Variants in YAF2 observed in about 807,000 individuals in gnomAD.
YAF2 encodes the protein YY1-associated factor 2.
YAF2 carries 7 observed loss-of-function variants against 20.1 expected under a neutral mutation model. That is an observed-to-expected ratio of 0.35 (90% CI 0.20 to 0.65). YAF2 has a LOEUF of 0.65. YAF2 is among the 30% of genes least tolerant of loss of function. The probability of loss-of-function intolerance (pLI) is 0.69; values close to 1 mark genes in which losing one functional copy is unlikely to be tolerated. For missense variants in YAF2, 151 were observed against 219.2 expected (o/e 0.69, Z 1.96); for synonymous variants, 74 against 76.0 (o/e 0.97, Z 0.14).
chr12:42,164,085 G>A (rs1282472160), intron 2 of YAF2, among the ~76,000 whole-genome samples: 1 of 152,210 alleles, frequency 6.6e-6, no homozygotes, highest in East Asian at 1.9e-4. Context: ...GTGATAAGGA[G>A]TTGATGTGCA....
At chr12:42,192,206 T>C (rs2066631253) in intron 2 of YAF2, among the ~76,000 whole-genome samples, 1 of 151,902 alleles carries the variant, frequency 6.6e-6, no homozygotes, top group East Asian at 2.0e-4. Flanking sequence ...TTATGAGCCA[T>C]GTTAAAGAAC....
intron 2 of YAF2, among the ~76,000 whole-genome samples, chr12:42,230,256 G>A (rs916355406): frequency 6.7e-6 from 1 of 149,914 alleles, no homozygotes; most frequent in African/African-American, 2.5e-5. Context: ...ACTCCTTCAA[G>A]AAAGAAAAGA....
chr12:42,224,371 A>T (rs762908043), intron 2 of YAF2, among the ~76,000 whole-genome samples: 3 of 151,640 alleles, frequency 2.0e-5, no homozygotes, highest in Non-Finnish European at 4.4e-5. Context: ...GGTGAAGAAT[A>T]CAATATATTT....
chr12:42,234,090 G>T, intron 2 of YAF2: 1 of 688,960 alleles, frequency 1.5e-6, no homozygotes, highest in Non-Finnish European at 1.8e-6. Flanking sequence ...AGAATTGCTT[G>T]AACCTGGGAG....
chr12:42,237,458 C>G, intron 2 of YAF2, 141 bp downstream of exon 2: 2 of 1,353,536 alleles, frequency 1.5e-6, no homozygotes, highest in Non-Finnish European at 1.9e-6. Flanking sequence ...CAATGTGACC[C>G]AGTTCCTATC....
chr12:42,212,485 C>G (rs935742488), intron 2 of YAF2: 4 of 445,368 alleles, frequency 9.0e-6, no homozygotes, highest in African/African-American at 8.1e-5. Context: ...ATTCTTCATT[C>G]TATGGAAACA....
intron 2 of YAF2, among the ~76,000 whole-genome samples, chr12:42,164,734 C>A (rs1401972297): frequency 6.6e-6 from 1 of 151,614 alleles, no homozygotes; most frequent in Non-Finnish European, 1.5e-5. Context: ...CTCTGGCTAA[C>A]AAACGCCCAA....
At chr12:42,165,884 A>C (rs1021773471) in intron 2 of YAF2, among the ~76,000 whole-genome samples, 2 of 146,814 alleles carry the variant, frequency 1.4e-5, no homozygotes, top group African/African-American at 5.1e-5. Flanking sequence ...AATTCTATCT[A>C]TATCTATCTA....
At chr12:42,179,295 C>G (rs535398915) in intron 2 of YAF2, among the ~76,000 whole-genome samples, 1 of 152,250 alleles carries the variant, frequency 6.6e-6, no homozygotes, top group East Asian at 1.9e-4. Context: ...CGTGGTGAAA[C>G]CCCGTCTCTA....
At chr12:42,218,971 C>T (rs1244601752) in intron 2 of YAF2, among the ~76,000 whole-genome samples, 3 of 152,150 alleles carry the variant, frequency 2.0e-5, no homozygotes, top group Non-Finnish European at 4.4e-5. Context: ...AATAGCTCTT[C>T]TTTTTGAAAT....
intron 2 of YAF2, among the ~76,000 whole-genome samples, chr12:42,165,143 G>T (rs1473238955): frequency 6.6e-6 from 1 of 151,570 alleles, no homozygotes; most frequent in East Asian, 1.9e-4. Context: ...ACTAGGTAAG[G>T]AGATTAACCA....
At chr12:42,185,808 A>G (rs768825290) in intron 2 of YAF2, among the ~76,000 whole-genome samples, 10 of 152,208 alleles carry the variant, frequency 6.6e-5, no homozygotes, top group African/African-American at 9.7e-5. Context: ...GAACTAGGAA[A>G]CCAAAAACTT....
intron 2 of YAF2, among the ~76,000 whole-genome samples, chr12:42,200,211 C>T (rs979852181): frequency 1.3e-5 from 2 of 152,210 alleles, no homozygotes; most frequent in African/African-American, 4.8e-5. Context: ...TCACTGCCTG[C>T]TTCCCGTGCT....
intron 2 of YAF2, among the ~76,000 whole-genome samples, chr12:42,206,976 C>T (rs375947102): frequency 1.3e-4 from 20 of 152,050 alleles, no homozygotes; most frequent in East Asian, 7.7e-4. Context: ...TACCTTTTTT[C>T]TCTCTCTCTC....
chr12:42,225,697 G>A (rs921763470), intron 2 of YAF2, among the ~76,000 whole-genome samples: 15 of 152,162 alleles, frequency 9.9e-5, no homozygotes, highest in Admixed American at 1.3e-4. Context: ...TAGATACGTG[G>A]TGTTATTTCT....
intron 2 of YAF2, among the ~76,000 whole-genome samples, chr12:42,203,643 A>AT (rs147178600): frequency 3.9e-5 from 6 of 152,180 alleles, no homozygotes; most frequent in Admixed American, 6.5e-5. Context: ...ATTTATCTAG[A>AT]TTTTTTCCTA....
At chr12:42,220,269 T>C (rs2067475491) in intron 2 of YAF2, among the ~76,000 whole-genome samples, 1 of 152,240 alleles carries the variant, frequency 6.6e-6, no homozygotes, top group African/African-American at 2.4e-5. Context: ...TTCCTCCTTA[T>C]ACTTCCTTAA....
chr12:42,175,868 T>C (rs1361501712), intron 2 of YAF2, among the ~76,000 whole-genome samples: 2 of 151,600 alleles, frequency 1.3e-5, no homozygotes, highest in Non-Finnish European at 2.9e-5. Context: ...TTGAAAACAA[T>C]TGATCTATAC....
intron 2 of YAF2, among the ~76,000 whole-genome samples, chr12:42,203,421 TTTTC>T (rs1165763177): frequency 2.6e-5 from 4 of 152,170 alleles, no homozygotes; most frequent in African/African-American, 9.7e-5. Context: ...TCCTTTTGGA[TTTTC>T]TTTCTTTTTT....
Sources: gnomAD v4.1 joint callset for allele counts (sites outside exome capture counted in the v4.1 genomes callset) on GRCh38, gnomAD v4.1.1 for gene constraint, MANE v1.5 for transcripts, NCBI Gene and HGNC (gene_info 2026-07-23, HGNC 2026-07-21) for gene names.